The following CYP7B1 variants were observed in gnomAD, a reference collection of about 807,000 sequenced individuals.
The protein encoded by CYP7B1 is cytochrome P450 7B1.
In CYP7B1, 29 loss-of-function variants were observed where a neutral mutation model predicts 42.7. The observed-to-expected ratio is 0.68, with a 90% CI of 0.51 to 0.93. CYP7B1 has a LOEUF of 0.93. CYP7B1 is among the 40% of genes least tolerant of loss of function. The pLI is 0.00. For missense variants in CYP7B1, 655 were observed against 600.5 expected, an observed-to-expected ratio of 1.09 and a Z score of -0.95; for synonymous variants, 235 against 218.2, an observed-to-expected ratio of 1.08 and a Z score of -0.68.
intron 1 of CYP7B1, among the ~76,000 whole-genome samples, chr8:64,717,517 C>G (rs559856735): frequency 6.6e-6 from 1 of 152,222 alleles, no homozygotes; most frequent in South Asian, 2.1e-4. Flanking sequence ...ACATTTGGAG[C>G]CATAACAGCC....
intron 1 of CYP7B1, among the ~76,000 whole-genome samples, chr8:64,718,994 C>T (rs952289094): frequency 2.5e-4 from 38 of 152,148 alleles, no homozygotes; most frequent in Admixed American, 1.6e-3. Flanking sequence ...TGTGAGGTCA[C>T]TGGAACAGAT....
chr8:64,674,494 T>C (rs1332468990), intron 1 of CYP7B1, among the ~76,000 whole-genome samples: 5 of 152,114 alleles, frequency 3.3e-5, no homozygotes, highest in Non-Finnish European at 7.4e-5. Context: ...GTTGAAAGAA[T>C]AAATGCATGA....
intron 5 of CYP7B1, among the ~76,000 whole-genome samples, chr8:64,602,163 A>C (rs987129521): frequency 6.6e-6 from 1 of 152,310 alleles, no homozygotes; most frequent in Admixed American, 6.5e-5. Flanking sequence ...AGCATATGGG[A>C]GCAAGGACAA....
At chr8:64,766,138 C>T (rs543027935) in intron 1 of CYP7B1, among the ~76,000 whole-genome samples, 3 of 152,254 alleles carry the variant, frequency 2.0e-5, no homozygotes, top group South Asian at 2.1e-4. Context: ...CTCACTGGGA[C>T]GCAGAATCAG....
intron 1 of CYP7B1, among the ~76,000 whole-genome samples, chr8:64,715,678 A>T (rs1807144470): frequency 6.6e-6 from 1 of 151,928 alleles, no homozygotes; most frequent in Non-Finnish European, 1.5e-5. Flanking sequence ...GGAAAATGTG[A>T]GAGAACTCAC....
chr8:64,751,527 C>A (rs1461172580), intron 1 of CYP7B1, among the ~76,000 whole-genome samples: 1 of 152,094 alleles, frequency 6.6e-6, no homozygotes, highest in Non-Finnish European at 1.5e-5. Context: ...TAATATATAG[C>A]ATTCATATAA....
chr8:64,694,229 A>T (rs565166705), intron 1 of CYP7B1, among the ~76,000 whole-genome samples: 1 of 152,348 alleles, frequency 6.6e-6, no homozygotes, highest in South Asian at 2.1e-4. Flanking sequence ...TTGTAGAGTG[A>T]GGTGATTAGA....
At chr8:64,714,049 A>AAG (rs1374551787) in intron 1 of CYP7B1, among the ~76,000 whole-genome samples, 1 of 152,182 alleles carries the variant, frequency 6.6e-6, no homozygotes, top group Non-Finnish European at 1.5e-5. Context: ...GACTCCCAGA[A>AAG]AGATTAGGTG....
At chr8:64,645,319 T>C (rs1379865055) in intron 1 of CYP7B1, among the ~76,000 whole-genome samples, 15 of 151,884 alleles carry the variant, frequency 9.9e-5, no homozygotes, top group Non-Finnish European at 1.5e-4. Context: ...AGTTCTAGAT[T>C]CCTGAGGAAT....
chr8:64,661,674 CT>C (rs1301999712), intron 1 of CYP7B1, among the ~76,000 whole-genome samples: 1 of 152,168 alleles, frequency 6.6e-6, no homozygotes, highest in Non-Finnish European at 1.5e-5. Flanking sequence ...AGCAGGACTT[CT>C]GTTGATTTGT....
chr8:64,631,337 C>A (rs888295981), intron 1 of CYP7B1, among the ~76,000 whole-genome samples: 3 of 152,034 alleles, frequency 2.0e-5, no homozygotes, highest in African/African-American at 7.3e-5. Flanking sequence ...GAAAAAAAAT[C>A]ATCTGCTCAT....
At chr8:64,618,377 A>T (rs1483053360) in intron 2 of CYP7B1, among the ~76,000 whole-genome samples, 1 of 152,104 alleles carries the variant, frequency 6.6e-6, no homozygotes, top group Non-Finnish European at 1.5e-5. Context: ...AGTTAGTAAA[A>T]CACACAATAT....
chr8:64,781,017 A>T (rs965228438), intron 1 of CYP7B1, among the ~76,000 whole-genome samples: 5 of 152,144 alleles, frequency 3.3e-5, no homozygotes, highest in Non-Finnish European at 7.4e-5. Flanking sequence ...TGCATAACAA[A>T]CATTCAAGAC....
intron 1 of CYP7B1, among the ~76,000 whole-genome samples, chr8:64,781,265 G>T (rs1326755025): frequency 6.6e-6 from 1 of 152,108 alleles, no homozygotes; most frequent in Non-Finnish European, 1.5e-5. Flanking sequence ...CCTTGCAAGA[G>T]GCAGTGTAGT....
intron 1 of CYP7B1, among the ~76,000 whole-genome samples, chr8:64,766,099 A>G (rs550825612): frequency 1.4e-4 from 22 of 152,164 alleles, no homozygotes; most frequent in Non-Finnish European, 2.9e-4. Context: ...AATTCCCCAC[A>G]GGCCACCAAG....
At chr8:64,690,490 AC>A (rs1806722419) in intron 1 of CYP7B1, among the ~76,000 whole-genome samples, 1 of 152,228 alleles carries the variant, frequency 6.6e-6, no homozygotes, top group Non-Finnish European at 1.5e-5. Context: ...ACTCTTATTT[AC>A]AGCCTTCTTT....
intron 1 of CYP7B1, among the ~76,000 whole-genome samples, chr8:64,671,250 G>T (rs148016682): frequency 1.8e-4 from 28 of 152,214 alleles, no homozygotes; most frequent in African/African-American, 6.0e-4. Flanking sequence ...TACCAATAGA[G>T]CTTGGGGCAG....
In CYP7B1 at chr8:64,591,476, A is replaced by C. The variant is rs1271746173; in HGVS notation, c.*5166T>G. Among the ~76,000 whole-genome samples the C allele has an allele frequency of 6.6e-6, 1 of 152,226 alleles. No homozygotes were observed. ...ATAATTATTGCCATTCTTTTATACT[A>C]GGATCAAACACTAGATAAATGTTGT... On this transcript the variant is annotated 3_prime_UTR_variant, in exon 6 of 6. Transcript: ENST00000310193.
chr8:64,624,970 T>TTTTTTTTTTTTTTTTTTTTC (rs1805588316), intron 1 of CYP7B1, among the ~76,000 whole-genome samples: 1 of 97,268 alleles, frequency 1.0e-5, no homozygotes, highest in African/African-American at 4.5e-5. Context: ...TTTTTTTTTT[T>TTTTTTTTTTTTTTTTTTTTC]TTTTTTTTTT....
Sources: allele counts gnomAD v4.1 joint callset (sites outside exome capture counted in the v4.1 genomes callset), GRCh38; gene constraint gnomAD v4.1.1; transcripts MANE v1.5; gene names NCBI Gene and HGNC (gene_info 2026-07-23, HGNC 2026-07-21).